The following CPQ variants were observed in gnomAD, a reference collection of about 807,000 sequenced individuals.
The protein encoded by CPQ is carboxypeptidase Q.
A neutral mutation model predicts 45.7 loss-of-function variants in CPQ; 37 were observed. The observed-to-expected ratio is 0.81, with a 90% CI of 0.62 to 1.07. CPQ has a LOEUF of 1.07. CPQ is among the 50% of genes least tolerant of loss of function. The probability of loss-of-function intolerance (pLI) is 0.00; values close to 1 mark genes in which losing one functional copy is unlikely to be tolerated. For missense variants in CPQ, 537 were observed against 572.9 expected (o/e 0.94, Z 0.64); for synonymous variants, 186 against 205.8 (o/e 0.90, Z 0.82).
At chr8:96,946,907 GC>G (rs1181461148) in intron 4 of CPQ, among the ~76,000 whole-genome samples, 2 of 152,052 alleles carry the variant, frequency 1.3e-5, no homozygotes, top group Admixed American at 6.6e-5. Flanking sequence ...TGAGGTCTCT[GC>G]CACTATCTGT....
intron 1 of CPQ, among the ~76,000 whole-genome samples, chr8:96,664,568 T>C (rs1044449869): frequency 6.6e-6 from 1 of 152,178 alleles, no homozygotes; most frequent in Non-Finnish European, 1.5e-5. Flanking sequence ...CAGCCTTAGT[T>C]TATAGTGGCA....
chr8:96,682,617 G>T (rs879501762), intron 1 of CPQ, among the ~76,000 whole-genome samples: 1 of 152,054 alleles, frequency 6.6e-6, no homozygotes. Flanking sequence ...ATATATCTAG[G>T]TGCTCTGCTG....
At chr8:96,982,902 C>T (rs1400562279) in intron 5 of CPQ, among the ~76,000 whole-genome samples, 2 of 152,086 alleles carry the variant, frequency 1.3e-5, no homozygotes, top group East Asian at 1.9e-4. Context: ...GTTTTTTATT[C>T]TTTGCCCTTT....
chr8:96,720,230 C>A (rs1809744662), intron 1 of CPQ, among the ~76,000 whole-genome samples: 1 of 152,144 alleles, frequency 6.6e-6, no homozygotes, highest in South Asian at 2.1e-4. Context: ...TTCTGTAAAT[C>A]CAACACTTGC....
chr8:97,002,515 G>T (rs1039725883), intron 5 of CPQ, among the ~76,000 whole-genome samples: 2 of 151,998 alleles, frequency 1.3e-5, no homozygotes. Context: ...TAATTTCATT[G>T]TTTACCCAAA....
chr8:96,924,836 T>G (rs1237587043), intron 4 of CPQ, among the ~76,000 whole-genome samples: 1 of 152,232 alleles, frequency 6.6e-6, no homozygotes, highest in Non-Finnish European at 1.5e-5. Context: ...AGTCAAAGTT[T>G]AAATGCCATC....
chr8:97,041,290 G>A (rs1383004007), intron 6 of CPQ, among the ~76,000 whole-genome samples: 4 of 152,028 alleles, frequency 2.6e-5, no homozygotes, highest in Non-Finnish European at 5.9e-5. Flanking sequence ...CTGTTTGTCT[G>A]TTATTGGTGT....
chr8:96,761,266 C>G (rs1439209957), intron 1 of CPQ: 1 of 152,162 alleles, frequency 6.6e-6, no homozygotes, highest in East Asian at 1.9e-4. Context: ...TACGCACGAG[C>G]TAGCCTGAAC....
chr8:96,714,820 TC>T (rs1448856813), intron 1 of CPQ, among the ~76,000 whole-genome samples: 1 of 152,164 alleles, frequency 6.6e-6, no homozygotes, highest in Admixed American at 6.5e-5. Flanking sequence ...TTCTTTTTTT[TC>T]CCTCTTGATG....
intron 7 of CPQ, among the ~76,000 whole-genome samples, chr8:97,115,343 A>G (rs964771732): frequency 2.0e-5 from 3 of 152,206 alleles, no homozygotes; most frequent in Non-Finnish European, 4.4e-5. Flanking sequence ...GCCTGCTGAA[A>G]ACTCAGGGAA....
At chr8:96,921,958 T>C (rs1812813733) in intron 4 of CPQ, among the ~76,000 whole-genome samples, 1 of 152,192 alleles carries the variant, frequency 6.6e-6, no homozygotes, top group Admixed American at 6.5e-5. Flanking sequence ...ATGTCTTCTC[T>C]ACTATTTTTA....
intron 4 of CPQ, among the ~76,000 whole-genome samples, chr8:96,882,007 G>A (rs1812230068): frequency 6.6e-6 from 1 of 152,206 alleles, no homozygotes; most frequent in Non-Finnish European, 1.5e-5. Flanking sequence ...GCATCAGTGG[G>A]ATGAAGGAAA....
chr8:96,845,209 A>G (rs1305240620), intron 3 of CPQ, among the ~76,000 whole-genome samples: 1 of 152,174 alleles, frequency 6.6e-6, no homozygotes, highest in Non-Finnish European at 1.5e-5. Flanking sequence ...TCTCCTCTGT[A>G]TGCACAGAAT....
intron 1 of CPQ, among the ~76,000 whole-genome samples, chr8:96,646,694 T>C (rs973694888): frequency 1.3e-5 from 2 of 152,242 alleles, no homozygotes; most frequent in Non-Finnish European, 2.9e-5. Context: ...AATTTCTTAA[T>C]CTCCAAAATG....
At chr8:96,850,012 C>A (rs576005157) in intron 3 of CPQ, among the ~76,000 whole-genome samples, 1 of 152,218 alleles carries the variant, frequency 6.6e-6, no homozygotes, top group African/African-American at 2.4e-5. Context: ...TTCAAGTCTC[C>A]ATCAGACTAC....
chr8:96,995,722 C>T (rs865897654), intron 5 of CPQ, among the ~76,000 whole-genome samples: 4 of 150,974 alleles, frequency 2.6e-5, no homozygotes, highest in South Asian at 4.2e-4. Context: ...AGGTTTGTTA[C>T]ACAGGTAAAC....
At chr8:96,862,707 T>TA (rs1811942446) in intron 3 of CPQ, among the ~76,000 whole-genome samples, 1 of 152,126 alleles carries the variant, frequency 6.6e-6, no homozygotes, top group Non-Finnish European at 1.5e-5. Flanking sequence ...CTTGCAGTTA[T>TA]AAAAACCCTG....
chr8:96,836,798 T>C (rs2130850062), intron 3 of CPQ, among the ~76,000 whole-genome samples: 1 of 152,206 alleles, frequency 6.6e-6, no homozygotes, highest in South Asian at 2.1e-4. Flanking sequence ...CTGGCATTTT[T>C]TTTTTTTTTT....
intron 7 of CPQ, among the ~76,000 whole-genome samples, chr8:97,137,799 G>C (rs991030122): frequency 6.6e-6 from 1 of 152,168 alleles, no homozygotes. Context: ...CGTGGTGGCA[G>C]GCGCCTGTAG....
Sources: allele counts gnomAD v4.1 joint callset (sites outside exome capture counted in the v4.1 genomes callset), GRCh38; gene constraint gnomAD v4.1.1; transcripts MANE v1.5; gene names NCBI Gene and HGNC (gene_info 2026-07-23, HGNC 2026-07-21).